The following DLG2 variants were observed in gnomAD, a reference collection of about 807,000 sequenced individuals.
DLG2 encodes discs large MAGUK scaffold protein 2, also known as disks large homolog 2.
A neutral mutation model predicts 132.5 loss-of-function variants in DLG2; 45 were observed. That is an observed-to-expected ratio of 0.34 (90% CI 0.27 to 0.44). The LOEUF is 0.44. Among genes scored for constraint, DLG2 ranks in the 20% least tolerant of loss-of-function variants. The probability of loss-of-function intolerance (pLI) is 1.00; values close to 1 mark genes in which losing one functional copy is unlikely to be tolerated. For missense variants in DLG2, 1,045 were observed against 1,196.9 expected, an observed-to-expected ratio of 0.87 and a Z score of 1.87; for synonymous variants, 424 against 419.6, an observed-to-expected ratio of 1.01 and a Z score of -0.13.
At chr11:85,167,945 T>C (rs562404147) in intron 4 of DLG2, among the ~76,000 whole-genome samples, 2 of 152,202 alleles carry the variant, frequency 1.3e-5, no homozygotes, top group East Asian at 3.9e-4. Context: ...ACTAAGTAGT[T>C]CTCCTCTGCT....
At chr11:84,378,426 T>C (rs543316106) in intron 7 of DLG2, among the ~76,000 whole-genome samples, 1 of 152,244 alleles carries the variant, frequency 6.6e-6, no homozygotes, top group Admixed American at 6.5e-5. Context: ...AAAATAAATT[T>C]CTATTATTTA....
At chr11:83,532,477 A>T (rs138216000) in intron 21 of DLG2, among the ~76,000 whole-genome samples, 1 of 152,198 alleles carries the variant, frequency 6.6e-6, no homozygotes, top group Non-Finnish European at 1.5e-5. Flanking sequence ...CACCTTCATC[A>T]ACACACTGCT....
At chr11:84,816,756 C>T (rs1255045052) in intron 6 of DLG2, among the ~76,000 whole-genome samples, 2 of 151,934 alleles carry the variant, frequency 1.3e-5, no homozygotes, top group South Asian at 2.1e-4. Context: ...CTCATATCCC[C>T]AACCATTACA....
In DLG2 at chr11:85,156,809, T is replaced by C. The variant is rs149838763; in HGVS notation, c.187-2158A>G. 3.6e-3 allele frequency among the ~76,000 whole-genome samples: 541 copies of C among 152,306 alleles called. 3 individuals are homozygous for C. Among genetic ancestry groups the C allele is most frequent in the African/African-American group, 0.013 (525 of 41,566 alleles). On this transcript the variant is annotated intron_variant, in intron 4 of 27. Coordinates refer to ENST00000376104, the MANE Select transcript of DLG2 (RefSeq NM_001142699.3). ...AGGCTACCTGGTTGTCCTAAGGTGA[T>C]TGAGCTCGGCATTTCTCTTAGCCAG...
At chr11:85,583,444 C>G (rs1278757033) in intron 3 of DLG2, among the ~76,000 whole-genome samples, 2 of 151,640 alleles carry the variant, frequency 1.3e-5, no homozygotes, top group Non-Finnish European at 2.9e-5. Flanking sequence ...ACCTCAGCCT[C>G]TCAAAGTGCT....
intron 9 of DLG2, among the ~76,000 whole-genome samples, chr11:84,109,022 G>C (rs977831083): frequency 1.3e-5 from 2 of 152,104 alleles, no homozygotes; most frequent in Admixed American, 6.6e-5. Flanking sequence ...AAGCAGTTTG[G>C]GAGATGTAAA....
chr11:85,156,675 T>C (rs567005418), intron 4 of DLG2, among the ~76,000 whole-genome samples: 1 of 152,176 alleles, frequency 6.6e-6, no homozygotes. Flanking sequence ...AAGATGCTGA[T>C]TGAGCCTGCA....
At chr11:85,120,496 A>G (rs1454695260) in intron 5 of DLG2, among the ~76,000 whole-genome samples, 1 of 152,076 alleles carries the variant, frequency 6.6e-6, no homozygotes, top group African/African-American at 2.4e-5. Context: ...ACTTTCATTT[A>G]TGGTTTCTTT....
chr11:83,791,437 CCATAG>C (rs1304027699), intron 17 of DLG2: 2 of 717,708 alleles, frequency 2.8e-6, no homozygotes, highest in African/African-American at 3.6e-5. Flanking sequence ...CATATCTTTA[CCATAG>C]CAGCTACCAA....
At chr11:85,307,708 T>A (rs2080045656) in intron 3 of DLG2, among the ~76,000 whole-genome samples, 1 of 152,220 alleles carries the variant, frequency 6.6e-6, no homozygotes, top group Non-Finnish European at 1.5e-5. Flanking sequence ...TGAAAATAGA[T>A]TCTTTACTGA....
intron 6 of DLG2, among the ~76,000 whole-genome samples, chr11:84,844,143 A>ATG: frequency 1.7e-5 from 1 of 58,900 alleles, no homozygotes; most frequent in Non-Finnish European, 3.7e-5. Flanking sequence ...GTGTATATAT[A>ATG]TATATATATA....
At chr11:85,007,351 A>C (rs1825444484) in intron 6 of DLG2, among the ~76,000 whole-genome samples, 1 of 152,108 alleles carries the variant, frequency 6.6e-6, no homozygotes, top group Non-Finnish European at 1.5e-5. Flanking sequence ...ACTTGATCAA[A>C]AGTTTTATGG....
intron 17 of DLG2, among the ~76,000 whole-genome samples, chr11:83,798,717 G>C (rs1180281215): frequency 6.6e-6 from 1 of 152,110 alleles, no homozygotes; most frequent in Non-Finnish European, 1.5e-5. Context: ...AATTGGTGTA[G>C]GATCCAAACT....
chr11:85,515,840 G>A (rs1308674402), intron 3 of DLG2, among the ~76,000 whole-genome samples: 1 of 151,992 alleles, frequency 6.6e-6, no homozygotes. Flanking sequence ...GGTTTGTGAT[G>A]AGTAAAAGCA....
At chr11:84,938,074 G>T (rs2048965338) in intron 6 of DLG2, among the ~76,000 whole-genome samples, 1 of 152,150 alleles carries the variant, frequency 6.6e-6, no homozygotes, top group Non-Finnish European at 1.5e-5. Context: ...CTTTTTAACA[G>T]TTCTGTGAGG....
At chr11:84,520,595 C>G (rs2099294379) in intron 7 of DLG2, among the ~76,000 whole-genome samples, 1 of 152,158 alleles carries the variant, frequency 6.6e-6, no homozygotes, top group South Asian at 2.1e-4. Context: ...CCCCACCCAC[C>G]ACCCAACCCT....
rs748741975 is a variant in DLG2, at chr11:85,268,916, G to A, written c.186+16304C>T. ...CTGTGGTTTCAAAATTACAACTAAC[G>A]GATAGAATTTTAAGGAAGTATATGC... On this transcript the variant is annotated intron_variant, in intron 4 of 27. Coordinates refer to ENST00000376104, the MANE Select transcript of DLG2 (RefSeq NM_001142699.3). Among the ~76,000 whole-genome samples, 11 of 152,102 alleles carry A rather than the reference G, an allele frequency of 7.2e-5. No individual in the cohort carries two copies. The South Asian group carries it at 8.3e-4, about 11-fold the overall frequency.
At chr11:84,652,181 C>A (rs1274701058) in intron 6 of DLG2, among the ~76,000 whole-genome samples, 3 of 152,116 alleles carry the variant, frequency 2.0e-5, no homozygotes, top group Non-Finnish European at 4.4e-5. Flanking sequence ...CGTGTCACTT[C>A]TTTCCAAAGT....
intron 5 of DLG2, among the ~76,000 whole-genome samples, chr11:85,147,423 G>A (rs181782667): frequency 3.6e-4 from 55 of 152,022 alleles, no homozygotes; most frequent in African/African-American, 1.3e-3. Flanking sequence ...TATACCTGTT[G>A]GACATTTCTG....
Sources: allele counts gnomAD v4.1 joint callset (sites outside exome capture counted in the v4.1 genomes callset), GRCh38; gene constraint gnomAD v4.1.1; transcripts MANE v1.5; gene names NCBI Gene and HGNC (gene_info 2026-07-23, HGNC 2026-07-21).